Variants in SLC4A10 observed in about 807,000 individuals in gnomAD.
SLC4A10 encodes the protein solute carrier family 4 member 10.
SLC4A10 carries 42 observed loss-of-function variants against 137.7 expected under a neutral mutation model. The observed-to-expected ratio is 0.30, with a 90% CI of 0.24 to 0.39. The LOEUF is 0.39. SLC4A10 is among the 10% of genes least tolerant of loss of function. SLC4A10 has a pLI of 1.00. For missense variants in SLC4A10, 925 were observed against 1,355.0 expected, an observed-to-expected ratio of 0.68 and a Z score of 4.98; for synonymous variants, 474 against 464.1, an observed-to-expected ratio of 1.02 and a Z score of -0.27.
intron 3 of SLC4A10, among the ~76,000 whole-genome samples, chr2:161,831,188 T>C (rs1171544079): frequency 1.3e-5 from 2 of 152,186 alleles, no homozygotes; most frequent in Non-Finnish European, 2.9e-5. Flanking sequence ...TACACAGAAA[T>C]ATGACACTAT....
intron 1 of SLC4A10, among the ~76,000 whole-genome samples, chr2:161,714,580 C>T (rs1394114251): frequency 6.6e-6 from 1 of 151,802 alleles, no homozygotes; most frequent in Non-Finnish European, 1.5e-5. Flanking sequence ...AAATGTATAT[C>T]ATTATCCCTA....
chr2:161,878,140 CAT>C (rs2061548378), intron 8 of SLC4A10, among the ~76,000 whole-genome samples: 1 of 152,110 alleles, frequency 6.6e-6, no homozygotes, highest in African/African-American at 2.4e-5. Context: ...CAGCCCCACT[CAT>C]ATTTGCCAGA....
chr2:161,636,533 T>C (rs1217192786), intron 1 of SLC4A10, among the ~76,000 whole-genome samples: 4 of 152,124 alleles, frequency 2.6e-5, no homozygotes, highest in Admixed American at 1.3e-4. Flanking sequence ...TAGCTAGGAT[T>C]ACAGGCGCCC....
Position 161,904,182 on chromosome 2 carries a change from T to A in SLC4A10, c.1617+4T>A. ...AGAAGCAACTGAAGGGCGTATAGTATGTATTATGCTTTTCTCTGAACTTTG... is the reference window on the plus strand; with the variant it reads ...AGAAGCAACTGAAGGGCGTATAGTAAGTATTATGCTTTTCTCTGAACTTTG... On this transcript the variant is annotated splice_donor_region_variant and intron_variant, in intron 13 of 26. Transcript: ENST00000446997. The A allele has an allele frequency of 1.9e-6, 3 of 1,595,372 alleles. No homozygotes were observed. Among genetic ancestry groups the A allele is most frequent in the Non-Finnish European group, 2.6e-6 (3 of 1,170,082 alleles).
At chr2:161,887,099 T>C (rs1324387888) in intron 10 of SLC4A10, among the ~76,000 whole-genome samples, 1 of 152,188 alleles carries the variant, frequency 6.6e-6, no homozygotes, top group Admixed American at 6.5e-5. Flanking sequence ...GCTTCATCCA[T>C]GTCCCTGCAA....
intron 26 of SLC4A10, among the ~76,000 whole-genome samples, chr2:161,980,789 G>A (rs894281175): frequency 6.6e-6 from 1 of 152,062 alleles, no homozygotes; most frequent in African/African-American, 2.4e-5. Context: ...TCAGGGACAG[G>A]GACACTCTTA....
intron 2 of SLC4A10, among the ~76,000 whole-genome samples, chr2:161,780,612 C>T (rs1270697065): frequency 1.3e-5 from 2 of 151,998 alleles, no homozygotes; most frequent in Non-Finnish European, 2.9e-5. Context: ...AGCTTTTACA[C>T]ATTTCTAATG....
At chr2:161,881,047 A>G (rs1292042934) in intron 9 of SLC4A10, among the ~76,000 whole-genome samples, 1 of 152,104 alleles carries the variant, frequency 6.6e-6, no homozygotes, top group African/African-American at 2.4e-5. Flanking sequence ...ACTGTATGAG[A>G]AAAGATTTAA....
intron 1 of SLC4A10, among the ~76,000 whole-genome samples, chr2:161,713,968 T>G (rs1309262234): frequency 6.6e-6 from 1 of 151,214 alleles, no homozygotes; most frequent in Non-Finnish European, 1.5e-5. Flanking sequence ...ACATGGTAAT[T>G]GTGAAAAAAT....
chr2:161,750,986 C>G (rs2048906151), intron 1 of SLC4A10, among the ~76,000 whole-genome samples: 1 of 151,622 alleles, frequency 6.6e-6, no homozygotes, highest in Admixed American at 6.6e-5. Context: ...TACCTAGAGA[C>G]AGTTTTTGAC....
chr2:161,712,218 C>T (rs2044367986), intron 1 of SLC4A10, among the ~76,000 whole-genome samples: 1 of 151,860 alleles, frequency 6.6e-6, no homozygotes, highest in Non-Finnish European at 1.5e-5. Flanking sequence ...AACTTTACAT[C>T]TACCTGCTAG....
intron 11 of SLC4A10, among the ~76,000 whole-genome samples, chr2:161,899,602 G>T (rs2063886641): frequency 6.6e-6 from 1 of 152,046 alleles, no homozygotes; most frequent in Non-Finnish European, 1.5e-5. Flanking sequence ...ATCACCTTCT[G>T]TTAGTTTTGT....
At chr2:161,754,153 C>T (rs866180465) in intron 1 of SLC4A10, among the ~76,000 whole-genome samples, 5 of 152,068 alleles carry the variant, frequency 3.3e-5, no homozygotes, top group Middle Eastern at 3.4e-3. Flanking sequence ...ATCTGTGCCT[C>T]GGCCTCCCAA....
chr2:161,925,967 TC>T (rs1688990121), intron 15 of SLC4A10, among the ~76,000 whole-genome samples: 1 of 152,182 alleles, frequency 6.6e-6, no homozygotes, highest in Admixed American at 6.5e-5. Context: ...GAGCTTTACT[TC>T]CAACTATGTG....
chr2:161,818,484 G>T (rs1301406540), intron 3 of SLC4A10, among the ~76,000 whole-genome samples: 2 of 152,144 alleles, frequency 1.3e-5, no homozygotes, highest in East Asian at 3.9e-4. Flanking sequence ...TCTCCTGCCT[G>T]ATTGCTCTGG....
chr2:161,818,220 G>A (rs892181704), intron 3 of SLC4A10, among the ~76,000 whole-genome samples: 12 of 152,032 alleles, frequency 7.9e-5, no homozygotes, highest in Admixed American at 3.9e-4. Flanking sequence ...GGAGTTCTAG[G>A]TATTTTATTC....
chr2:161,700,761 G>T (rs182859423), intron 1 of SLC4A10, among the ~76,000 whole-genome samples: 1 of 151,992 alleles, frequency 6.6e-6, no homozygotes, highest in African/African-American at 2.4e-5. Flanking sequence ...GACTCAAAAG[G>T]CATCAGAATA....
At chr2:161,655,283 A>G (rs898560232) in intron 1 of SLC4A10, among the ~76,000 whole-genome samples, 2 of 152,134 alleles carry the variant, frequency 1.3e-5, no homozygotes, top group South Asian at 4.1e-4. Flanking sequence ...AGGTTTGTCT[A>G]TATATAAAAT....
rs748280963 is a variant in SLC4A10 at position 161,753,494 on chromosome 2, G to A, written c.49-17479G>A. On this transcript the variant is annotated intron_variant, in intron 1 of 26. Transcript: ENST00000446997. ...TCAAATTCTGCTTCTCCACTTACTG[G>A]TTCTATAACCTTGAGCAAGTTACTC... Among the ~76,000 whole-genome samples the A allele has an allele frequency of 4.6e-5, 7 of 152,220 alleles. 1 individual carries two copies. Among genetic ancestry groups the A allele is most frequent in the African/African-American group, 1.4e-4 (6 of 41,526 alleles).
Sources: allele counts gnomAD v4.1 joint callset (sites outside exome capture counted in the v4.1 genomes callset), GRCh38; gene constraint gnomAD v4.1.1; transcripts MANE v1.5; gene names NCBI Gene and HGNC (gene_info 2026-07-23, HGNC 2026-07-21).